The following ROBO1 variants were observed in gnomAD, a reference collection of about 807,000 sequenced individuals.
ROBO1 encodes the protein roundabout guidance receptor 1.
ROBO1 carries 149 observed loss-of-function variants against 195.9 expected under a neutral mutation model. The observed-to-expected ratio is 0.76, with a 90% CI of 0.67 to 0.87. The LOEUF (loss-of-function observed/expected upper bound fraction) is 0.87, where lower values mean the gene tolerates loss of function less well. Among genes scored for constraint, ROBO1 ranks in the 40% least tolerant of loss-of-function variants. The pLI is 0.00. For missense variants in ROBO1, 1,933 were observed against 2,068.3 expected, an observed-to-expected ratio of 0.93 and a Z score of 1.27; for synonymous variants, 816 against 733.2, an observed-to-expected ratio of 1.11 and a Z score of -1.82.
intron 2 of ROBO1, among the ~76,000 whole-genome samples, chr3:79,186,308 T>A (rs2081436970): frequency 6.6e-6 from 1 of 151,698 alleles, no homozygotes; most frequent in East Asian, 1.9e-4. Flanking sequence ...TACACACACA[T>A]GCACAAGTAT....
intron 28 of ROBO1, among the ~76,000 whole-genome samples, chr3:78,612,496 T>C (rs1289320321): frequency 6.6e-6 from 1 of 152,206 alleles, no homozygotes; most frequent in Non-Finnish European, 1.5e-5. Context: ...AAAATGGCTT[T>C]TGTCTCTACG....
chr3:79,720,803 T>C (rs1401449649), intron 1 of ROBO1, among the ~76,000 whole-genome samples: 2 of 151,666 alleles, frequency 1.3e-5, no homozygotes, highest in Non-Finnish European at 2.9e-5. Context: ...TTTTTTTTTT[T>C]TTTTTTTAAG....
intron 1 of ROBO1, among the ~76,000 whole-genome samples, chr3:79,682,357 C>CA (rs58706861): frequency 0.25 from 37,246 of 151,596 alleles, 4,898 homozygotes; most frequent in African/African-American, 0.33. Context: ...TTATGACTTC[C>CA]AAAAAAGCAA....
chr3:79,343,537 T>G (rs2034991920), intron 2 of ROBO1, among the ~76,000 whole-genome samples: 2 of 152,150 alleles, frequency 1.3e-5, no homozygotes, highest in South Asian at 4.1e-4. Context: ...CAGGTTAGAA[T>G]TAAAACAAAA....
chr3:79,139,819 T>A (rs1282250269), intron 2 of ROBO1, among the ~76,000 whole-genome samples: 1 of 152,172 alleles, frequency 6.6e-6, no homozygotes, highest in Non-Finnish European at 1.5e-5. Context: ...TTATTGTGCT[T>A]AGCATCTGCT....
intron 2 of ROBO1, among the ~76,000 whole-genome samples, chr3:79,127,269 T>G (rs1036626292): frequency 2.0e-5 from 3 of 152,164 alleles, no homozygotes; most frequent in Non-Finnish European, 4.4e-5. Context: ...TTTGAGGCAG[T>G]GTTCACAATG....
chr3:79,370,268 G>T (rs1386828381), intron 2 of ROBO1, among the ~76,000 whole-genome samples: 1 of 151,882 alleles, frequency 6.6e-6, no homozygotes, highest in Non-Finnish European at 1.5e-5. Flanking sequence ...TGAGGTGGGA[G>T]AATGGCTTGA....
intron 2 of ROBO1, among the ~76,000 whole-genome samples, chr3:79,290,284 G>A (rs2032165588): frequency 6.6e-6 from 1 of 151,786 alleles, no homozygotes; most frequent in Non-Finnish European, 1.5e-5. Context: ...CACCCGCCTC[G>A]GCCTCCCAAA....
intron 2 of ROBO1, among the ~76,000 whole-genome samples, chr3:79,179,871 G>A (rs778935284): frequency 1.8e-4 from 27 of 152,054 alleles, no homozygotes; most frequent in Admixed American, 1.3e-4. Flanking sequence ...CATTTGCACC[G>A]TTAGTTTACA....
chr3:78,984,695 C>T (rs999869060), intron 3 of ROBO1, among the ~76,000 whole-genome samples: 3 of 152,216 alleles, frequency 2.0e-5, no homozygotes, highest in Non-Finnish European at 4.4e-5. Flanking sequence ...ATGGGCCATT[C>T]GGACAGCTGG....
At chr3:79,442,986 C>T (rs915043982) in intron 2 of ROBO1, among the ~76,000 whole-genome samples, 1 of 152,190 alleles carries the variant, frequency 6.6e-6, no homozygotes, top group Non-Finnish European at 1.5e-5. Flanking sequence ...TTGAAACAAA[C>T]ATTCTATTAA....
chr3:78,624,282 A>C (rs1704625173), intron 26 of ROBO1, among the ~76,000 whole-genome samples: 1 of 152,114 alleles, frequency 6.6e-6, no homozygotes, highest in East Asian at 1.9e-4. Flanking sequence ...CATTTTGTTT[A>C]TATGTATTTT....
At chr3:78,866,064 T>C (rs1034294589) in intron 4 of ROBO1, among the ~76,000 whole-genome samples, 8 of 152,226 alleles carry the variant, frequency 5.3e-5, no homozygotes, top group Non-Finnish European at 1.0e-4. Context: ...ATCTGTCTCA[T>C]GTTCATCAAG....
At chr3:79,637,097 T>G (rs528893057) in intron 1 of ROBO1, among the ~76,000 whole-genome samples, 1 of 152,310 alleles carries the variant, frequency 6.6e-6, no homozygotes, top group South Asian at 2.1e-4. Context: ...AAACCACATG[T>G]GTCCAGACGC....
At chr3:79,097,312 T>A (rs1340937037) in intron 3 of ROBO1, among the ~76,000 whole-genome samples, 3 of 151,852 alleles carry the variant, frequency 2.0e-5, no homozygotes, top group Non-Finnish European at 4.4e-5. Context: ...ATTATCTGAG[T>A]CAAAATCTAC....
intron 21 of ROBO1, among the ~76,000 whole-genome samples, chr3:78,643,319 G>T (rs1432640454): frequency 6.6e-6 from 1 of 152,188 alleles, no homozygotes; most frequent in East Asian, 1.9e-4. Context: ...CAGGTGGCAG[G>T]CTGGATTTGG....
chr3:79,187,049 T>C (rs1020200024), intron 2 of ROBO1, among the ~76,000 whole-genome samples: 1 of 152,108 alleles, frequency 6.6e-6, no homozygotes, highest in Non-Finnish European at 1.5e-5. Flanking sequence ...ACATCAGCAT[T>C]CTGCTAGTTT....
intron 2 of ROBO1, among the ~76,000 whole-genome samples, chr3:79,580,353 A>C (rs1156583605): frequency 6.6e-6 from 1 of 151,964 alleles, no homozygotes; most frequent in Non-Finnish European, 1.5e-5. Flanking sequence ...GCACATCTGT[A>C]ATTTCAGCTA....
At chr3:79,690,102 A>G (rs949635464) in intron 1 of ROBO1, among the ~76,000 whole-genome samples, 2 of 151,984 alleles carry the variant, frequency 1.3e-5, no homozygotes, top group African/African-American at 4.8e-5. Flanking sequence ...ATTTCCAAAT[A>G]TCTTTACAAA....
Sources: gnomAD v4.1 joint callset for allele counts (sites outside exome capture counted in the v4.1 genomes callset) on GRCh38, gnomAD v4.1.1 for gene constraint, MANE v1.5 for transcripts, NCBI Gene and HGNC (gene_info 2026-07-23, HGNC 2026-07-21) for gene names.